Variants in FOXP2 observed in about 807,000 individuals in gnomAD.
FOXP2 encodes forkhead box protein P2.
A neutral mutation model predicts 115.8 loss-of-function variants in FOXP2; 12 were observed. The ratio of observed to expected loss-of-function variants is 0.10; its 90% CI spans 0.07 to 0.17. FOXP2 has a LOEUF of 0.17. Among genes scored for constraint, FOXP2 ranks in the 10% least tolerant of loss-of-function variants. The probability of loss-of-function intolerance (pLI) is 1.00; values close to 1 mark genes in which losing one functional copy is unlikely to be tolerated. For missense variants in FOXP2, 629 were observed against 843.5 expected, an observed-to-expected ratio of 0.75 and a Z score of 3.15; for synonymous variants, 328 against 297.7, an observed-to-expected ratio of 1.10 and a Z score of -1.05.
At chr7:114,556,197 A>G (rs956025493) in intron 3 of FOXP2, among the ~76,000 whole-genome samples, 1 of 152,140 alleles carries the variant, frequency 6.6e-6, no homozygotes, top group Admixed American at 6.5e-5. Context: ...TCTTCCCCCT[A>G]CATCACATCA....
intron 6 of FOXP2, among the ~76,000 whole-genome samples, chr7:114,637,454 TTA>T: frequency 6.6e-6 from 1 of 152,248 alleles, no homozygotes; most frequent in South Asian, 2.1e-4. Flanking sequence ...AAGTTGTCTA[TTA>T]ATCATAATAG....
intron 1 of FOXP2, chr7:114,419,748 C>CACACACACACACACACACACA (rs1293473534): frequency 8.0e-4 from 117 of 145,374 alleles, no homozygotes; most frequent in African/African-American, 2.8e-3. Flanking sequence ...ACACACACAC[C>CACACACACACACACACACACA]CCAGAAAGGA....
Position 114,423,370 on chromosome 7 carries a change from A to C in FOXP2, c.-10-3132A>C, listed in dbSNP as rs1484272282. 4.6e-5 allele frequency among the ~76,000 whole-genome samples: 7 copies of C among 151,664 alleles called. No homozygotes were observed. In the East Asian group the frequency reaches 7.7e-4, roughly 17 times the overall value. Reference sequence around the variant, plus strand: ...AAGTATCTGTACAGTGACTTGCTTAAAAAAGAAGAAAGAAAAAGGAAAGGA... The same window carrying C: ...AAGTATCTGTACAGTGACTTGCTTACAAAAGAAGAAAGAAAAAGGAAAGGA... On this transcript the variant is annotated intron_variant, in intron 1 of 16. Coordinates refer to ENST00000350908, the MANE Select transcript of FOXP2 (RefSeq NM_014491.4).
At chr7:114,239,018 A>G (rs1795084482) in intron 1 of FOXP2, among the ~76,000 whole-genome samples, 2 of 149,512 alleles carry the variant, frequency 1.3e-5, no homozygotes, top group South Asian at 4.1e-4. Context: ...ATTCTTTAGA[A>G]ACAGCATTCA....
chr7:114,653,086 A>G (rs1806366901), intron 9 of FOXP2, among the ~76,000 whole-genome samples: 2 of 152,104 alleles, frequency 1.3e-5, no homozygotes, highest in South Asian at 4.1e-4. Flanking sequence ...TTTTCTTCAT[A>G]TTTTATTACA....
intron 2 of FOXP2, among the ~76,000 whole-genome samples, chr7:114,515,569 G>GA (rs1554408580): frequency 6.6e-6 from 1 of 151,864 alleles, no homozygotes. Flanking sequence ...GGGGTTGTTT[G>GA]TTTTTTTCTT....
chr7:114,247,324 C>T (rs77412012), intron 1 of FOXP2, among the ~76,000 whole-genome samples: 6,938 of 152,212 alleles, frequency 0.046, 413 homozygotes, highest in African/African-American at 0.14. Flanking sequence ...TAATACATAT[C>T]TCTAACACCT....
At chr7:114,332,147 A>C (rs1797729905) in intron 2 of FOXP2, among the ~76,000 whole-genome samples, 1 of 151,954 alleles carries the variant, frequency 6.6e-6, no homozygotes, top group South Asian at 2.1e-4. Context: ...TGTGTGCATG[A>C]GTAGGGGGTA....
intron 2 of FOXP2, among the ~76,000 whole-genome samples, chr7:114,524,507 A>C (rs1322244668): frequency 6.6e-6 from 1 of 152,094 alleles, no homozygotes; most frequent in African/African-American, 2.4e-5. Context: ...AATGAGCTTC[A>C]GAGTCAGCCA....
chr7:114,217,755 C>G lies in FOXP2; in HGVS notation c.-102+54667C>G, dbSNP rs373009526. 2.6e-5 allele frequency among the ~76,000 whole-genome samples: 4 copies of G among 152,208 alleles called. No homozygotes were observed. The South Asian group carries it at 8.3e-4, about 31-fold the overall frequency. On this transcript the variant is annotated intron_variant, in intron 1 of 17. Transcript: ENST00000634411. Reference sequence around the variant, plus strand: ...CTCCAAATCTGCTATATAACATGCTCTATCCACAGATAGTGCTTAAGTGAG... The same window carrying G: ...CTCCAAATCTGCTATATAACATGCTGTATCCACAGATAGTGCTTAAGTGAG...
At chr7:114,219,478 G>A (rs1794563753) in intron 1 of FOXP2, among the ~76,000 whole-genome samples, 1 of 152,112 alleles carries the variant, frequency 6.6e-6, no homozygotes, top group African/African-American at 2.4e-5. Context: ...CTTATCAATA[G>A]TAACAGCTAT....
chr7:114,273,515 A>G (rs539031870), intron 1 of FOXP2, among the ~76,000 whole-genome samples: 33 of 152,168 alleles, frequency 2.2e-4, no homozygotes, highest in African/African-American at 7.5e-4. Flanking sequence ...TTTCTGCCTG[A>G]TAGATCTGCC....
intron 1 of FOXP2, among the ~76,000 whole-genome samples, chr7:114,108,175 G>A (rs748824152): frequency 1.3e-5 from 2 of 151,888 alleles, no homozygotes; most frequent in African/African-American, 4.8e-5. Context: ...ACTGTAATGT[G>A]TATTTTGAGG....
At chr7:114,517,583 C>T (rs1258631670) in intron 2 of FOXP2, among the ~76,000 whole-genome samples, 1 of 152,146 alleles carries the variant, frequency 6.6e-6, no homozygotes, top group African/African-American at 2.4e-5. Context: ...GAAGACATTG[C>T]CTTTTCCCTT....
chr7:114,472,697 T>C (rs1405440189), intron 2 of FOXP2, among the ~76,000 whole-genome samples: 1 of 152,214 alleles, frequency 6.6e-6, no homozygotes, highest in Non-Finnish European at 1.5e-5. Flanking sequence ...ACTCCATTCA[T>C]AGATTTGTAC....
intron 2 of FOXP2, among the ~76,000 whole-genome samples, chr7:114,493,593 A>G (rs894943906): frequency 9.2e-5 from 14 of 152,002 alleles, no homozygotes; most frequent in African/African-American, 3.4e-4. Flanking sequence ...ACAAAACACT[A>G]AGTACATTTA....
intron 2 of FOXP2, among the ~76,000 whole-genome samples, chr7:114,511,555 T>G (rs2129261939): frequency 6.6e-6 from 1 of 152,290 alleles, no homozygotes; most frequent in African/African-American, 2.4e-5. Flanking sequence ...AGAGGAGAAT[T>G]AATCAGACAA....
intron 3 of FOXP2, among the ~76,000 whole-genome samples, chr7:114,560,772 A>C (rs1800722209): frequency 6.6e-6 from 1 of 152,246 alleles, no homozygotes; most frequent in Non-Finnish European, 1.5e-5. Context: ...AATTCGTCCA[A>C]AAAGCTATTA....
At chr7:114,166,216 C>G (rs1050876982) in intron 1 of FOXP2, among the ~76,000 whole-genome samples, 3 of 151,754 alleles carry the variant, frequency 2.0e-5, no homozygotes, top group Non-Finnish European at 4.4e-5. Flanking sequence ...TTTTTAGATA[C>G]AACATCAAAA....
Sources: gnomAD v4.1 joint callset for allele counts (sites outside exome capture counted in the v4.1 genomes callset) on GRCh38, gnomAD v4.1.1 for gene constraint, MANE v1.5 for transcripts, NCBI Gene and HGNC (gene_info 2026-07-23, HGNC 2026-07-21) for gene names.